DHRS4L2: variants seen among roughly 807,000 people sequenced by gnomAD.
The protein encoded by DHRS4L2 is dehydrogenase/reductase SDR family member 4-like 2.
A neutral mutation model predicts 23.9 loss-of-function variants in DHRS4L2; 22 were observed. The ratio of observed to expected loss-of-function variants is 0.92; its 90% CI spans 0.66 to 1.31. DHRS4L2 has a LOEUF of 1.31. Ranked by LOEUF, DHRS4L2 falls within the 40% of genes most tolerant of loss-of-function variation. The pLI is 0.00. For missense variants in DHRS4L2, 385 were observed against 303.3 expected, an observed-to-expected ratio of 1.27 and a Z score of -2.00; for synonymous variants, 141 against 123.7, an observed-to-expected ratio of 1.14 and a Z score of -0.93.
chr14:23,975,268 C>G (rs1357368044), intron 1 of DHRS4L2, among the ~76,000 whole-genome samples: 1 of 151,738 alleles, frequency 6.6e-6, no homozygotes, highest in African/African-American at 2.4e-5. Context: ...GCAAAAATCA[C>G]AAGCATTCCT....
exon 1 of DHRS4L2, chr14:23,970,151 C>T (rs1235025864): frequency 6.8e-5 from 31 of 455,812 alleles, no homozygotes; most frequent in African/African-American, 5.9e-4. Context: ...GGGACTGCCT[C>T]GGTCTTTGGG....
chr14:23,992,401 G>C (rs1233462608), intron 2 of DHRS4L2, among the ~76,000 whole-genome samples: 1 of 151,584 alleles, frequency 6.6e-6, no homozygotes, highest in Non-Finnish European at 1.5e-5. Flanking sequence ...TCAGAGAAGA[G>C]AATGATAGAA....
At chr14:23,977,382 T>C (rs1408135590) in intron 1 of DHRS4L2, among the ~76,000 whole-genome samples, 1 of 151,770 alleles carries the variant, frequency 6.6e-6, no homozygotes, top group Non-Finnish European at 1.5e-5. Flanking sequence ...GCCTCAGATC[T>C]GCAAGTTGCA....
chr14:23,972,198 C>T (rs2033872000), intron 1 of DHRS4L2, among the ~76,000 whole-genome samples: 1 of 152,034 alleles, frequency 6.6e-6, no homozygotes, highest in Non-Finnish European at 1.5e-5. Flanking sequence ...GTGAGTGTTA[C>T]AGTTCTTAAA....
intron 3 of DHRS4L2, among the ~76,000 whole-genome samples, chr14:23,995,958 T>A (rs2034374892): frequency 6.6e-6 from 1 of 151,938 alleles, no homozygotes; most frequent in African/African-American, 2.4e-5. Context: ...TGTTTTGGCT[T>A]ACGATACTGC....
chr14:23,999,364 A>AC (rs2034443092), intron 3 of DHRS4L2, among the ~76,000 whole-genome samples: 2 of 145,448 alleles, frequency 1.4e-5, no homozygotes, highest in South Asian at 2.2e-4. Context: ...AAAAAAAAAA[A>AC]AAAAAAAAAA....
chr14:23,984,308 T>A (rs1365867345), upstream of DHRS4L2, among the ~76,000 whole-genome samples: 3 of 151,754 alleles, frequency 2.0e-5, no homozygotes, highest in Non-Finnish European at 4.4e-5. Context: ...AAGCATGTTT[T>A]ATTTTTATAA....
intron 1 of DHRS4L2, among the ~76,000 whole-genome samples, chr14:23,973,098 C>T (rs1321780596): frequency 5.9e-5 from 9 of 151,912 alleles, no homozygotes; most frequent in African/African-American, 1.7e-4. Context: ...TCCTCTATCT[C>T]GACTGCAAGA....
At chr14:23,996,693 G>T (rs1365535011) in intron 3 of DHRS4L2, among the ~76,000 whole-genome samples, 2 of 146,194 alleles carry the variant, frequency 1.4e-5, no homozygotes, top group Non-Finnish European at 3.0e-5. Flanking sequence ...GAGGCTAGAG[G>T]GCTGTGGTGT....
At chr14:23,970,530 CAG>C (rs1003898780) in intron 1 of DHRS4L2, among the ~76,000 whole-genome samples, 4 of 152,118 alleles carry the variant, frequency 2.6e-5, no homozygotes, top group African/African-American at 9.7e-5. Flanking sequence ...GATTCCACCT[CAG>C]GGGCCAGGGC....
At chr14:23,979,276 C>A (rs2034020615) in intron 1 of DHRS4L2, among the ~76,000 whole-genome samples, 1 of 143,228 alleles carries the variant, frequency 7.0e-6, no homozygotes, top group Non-Finnish European at 1.5e-5. Flanking sequence ...AATACAGGAG[C>A]ACCCAGATTC....
intron 1 of DHRS4L2, among the ~76,000 whole-genome samples, chr14:23,989,856 C>A (rs915841470): frequency 6.6e-6 from 1 of 151,724 alleles, no homozygotes; most frequent in African/African-American, 2.4e-5. Context: ...CTTCAAATCA[C>A]GGAAGTGGCT....
intron 1 of DHRS4L2, among the ~76,000 whole-genome samples, chr14:23,970,752 C>A (rs1488571662): frequency 1.3e-5 from 2 of 152,024 alleles, no homozygotes; most frequent in East Asian, 1.9e-4. Flanking sequence ...GTGGGTGCCC[C>A]TGTGGAACAA....
At chr14:23,998,646 T>C (rs552318634) in intron 3 of DHRS4L2, among the ~76,000 whole-genome samples, 36 of 151,932 alleles carry the variant, frequency 2.4e-4, no homozygotes, top group South Asian at 2.3e-3. Flanking sequence ...GCTTCTTCAC[T>C]TCTCTCAGCC....
chr14:24,006,066 C>T lies in DHRS4L2; in HGVS notation c.*203C>T. On this transcript the variant is annotated 3_prime_UTR_variant, in exon 8 of 8. Transcript: ENST00000335125. ...TCCTGGTGCTGTTCCTGCATTCACC[C>T]ACTGGCCTTTCCCACCTCTGCTCAC... 6.3e-7 allele frequency: 1 copy of T among 1,581,292 alleles called. No homozygotes were observed. The highest frequency in any genetic ancestry group is 8.6e-7 in the Non-Finnish European group (1 of 1,164,696).
chr14:23,993,728 C>T (rs1314766817), intron 2 of DHRS4L2, among the ~76,000 whole-genome samples: 2 of 151,652 alleles, frequency 1.3e-5, no homozygotes, highest in Admixed American at 6.6e-5. Context: ...ATCTTTCATG[C>T]CTCCAGGTCA....
chr14:23,988,766 G>C, upstream of DHRS4L2: 1 of 1,398,858 alleles, frequency 7.1e-7, no homozygotes, highest in Non-Finnish European at 9.3e-7. Flanking sequence ...GCGGAAGGTA[G>C]CTGGCTGCGG....
intron 3 of DHRS4L2, among the ~76,000 whole-genome samples, chr14:23,997,706 C>T (rs1263382354): frequency 6.7e-6 from 1 of 149,820 alleles, no homozygotes; most frequent in African/African-American, 2.5e-5. Flanking sequence ...TCTTCCAGCT[C>T]CGCTTCTAGT....
intron 1 of DHRS4L2, among the ~76,000 whole-genome samples, chr14:23,989,961 C>T (rs571056808): frequency 6.6e-6 from 1 of 151,914 alleles, no homozygotes; most frequent in South Asian, 2.1e-4. Context: ...GATGTCAGTT[C>T]TTGGGAACTA....
Sources: allele counts gnomAD v4.1 joint callset (sites outside exome capture counted in the v4.1 genomes callset), GRCh38; gene constraint gnomAD v4.1.1; transcripts MANE v1.5; gene names NCBI Gene and HGNC (gene_info 2026-07-23, HGNC 2026-07-21).